The following SPSB1 variants were observed in gnomAD, a reference collection of about 807,000 sequenced individuals.
SPSB1 encodes SPRY domain-containing SOCS box protein 1.
SPSB1 carries 8 observed loss-of-function variants against 21.2 expected under a neutral mutation model. The observed-to-expected ratio is 0.38, with a 90% CI of 0.22 to 0.68. The LOEUF (loss-of-function observed/expected upper bound fraction) is 0.68, where lower values mean the gene tolerates loss of function less well. SPSB1 is among the 30% of genes least tolerant of loss of function. The pLI is 0.53. For missense variants in SPSB1, 242 were observed against 377.8 expected (o/e 0.64, Z 2.98); for synonymous variants, 169 against 161.7 (o/e 1.05, Z -0.34).
chr1:9,361,172 T>TTTTTG, intron 2 of SPSB1, among the ~76,000 whole-genome samples: 1 of 143,718 alleles, frequency 7.0e-6, no homozygotes, highest in African/African-American at 2.6e-5. Context: ...TTTTTTTTTT[T>TTTTTG]TTTTTTTTTT....
chr1:9,333,796 C>G (rs761424178), intron 1 of SPSB1, among the ~76,000 whole-genome samples: 1 of 152,206 alleles, frequency 6.6e-6, no homozygotes, highest in Non-Finnish European at 1.5e-5. Context: ...CGGGCCAAAT[C>G]AATAGCAACA....
At chr1:9,320,062 A>T (rs979437392) in intron 1 of SPSB1, among the ~76,000 whole-genome samples, 11 of 152,268 alleles carry the variant, frequency 7.2e-5, no homozygotes, top group Admixed American at 6.5e-4. Context: ...CTGTGTGTGC[A>T]GCTAGACTCA....
chr1:9,361,167 T>TTTTTTTTTTTC (rs1640470477), intron 2 of SPSB1, among the ~76,000 whole-genome samples: 5 of 141,582 alleles, frequency 3.5e-5, no homozygotes, highest in South Asian at 2.4e-4. Flanking sequence ...TTTTTTTTTT[T>TTTTTTTTTTTC]TTTTTTTTTT....
Position 9,348,102 on chromosome 1 carries a change from G to A in SPSB1, c.-149-7641G>A, listed in dbSNP as rs1640193444. 6.6e-6 allele frequency among the ~76,000 whole-genome samples: 1 copy of A among 151,838 alleles called. No individual in the cohort carries two copies. Among genetic ancestry groups the A allele is most frequent in the African/African-American group, 2.4e-5 (1 of 41,302 alleles). On this transcript the variant is annotated intron_variant, in intron 1 of 2. Coordinates refer to ENST00000328089, the MANE Select transcript of SPSB1 (RefSeq NM_025106.4). This position sits in a 1 kb window ranked among gnomAD's most constrained non-coding sequence, Gnocchi z 4.8. ...TGGGATTACAGGTGCTCACCACCAC[G>A]CCCAGCTTATTTTTGTATTTTTAGT...
chr1:9,357,253 G>C (rs149128271), intron 2 of SPSB1, among the ~76,000 whole-genome samples: 102 of 146,794 alleles, frequency 6.9e-4, no homozygotes, highest in African/African-American at 2.3e-3. Flanking sequence ...AAATGAACAG[G>C]TGGATGAGTG....
chr1:9,335,730 CCCAGA>C (rs1639993861), intron 1 of SPSB1, among the ~76,000 whole-genome samples: 1 of 152,100 alleles, frequency 6.6e-6, no homozygotes, highest in Admixed American at 6.5e-5. Context: ...AGCACTTGAG[CCCAGA>C]AGGTTGAGCC....
intron 2 of SPSB1, among the ~76,000 whole-genome samples, chr1:9,359,102 A>G (rs573181141): frequency 1.3e-5 from 2 of 152,362 alleles, no homozygotes; most frequent in East Asian, 3.9e-4. Context: ...TCAGAGCATC[A>G]CAGCCGGGCG....
chr1:9,296,745 A>C (rs751044624), intron 1 of SPSB1, among the ~76,000 whole-genome samples: 2 of 152,246 alleles, frequency 1.3e-5, no homozygotes, highest in Non-Finnish European at 1.5e-5. Flanking sequence ...CTGTTACTCT[A>C]TGCGGGGCAA....
intron 1 of SPSB1, among the ~76,000 whole-genome samples, chr1:9,351,045 C>G (rs1640247366): frequency 6.6e-6 from 1 of 152,212 alleles, no homozygotes; most frequent in African/African-American, 2.4e-5. Flanking sequence ...AGCGCCATGT[C>G]CAGGAATTGT....
At chr1:9,318,797 A>T (rs1328890490) in intron 1 of SPSB1, among the ~76,000 whole-genome samples, 2 of 152,094 alleles carry the variant, frequency 1.3e-5, no homozygotes, top group African/African-American at 2.4e-5. Flanking sequence ...GTCTCCAAGG[A>T]CTCACTGCAT....
rs1395993945 is a variant in SPSB1 at position 9,293,348 on chromosome 1, C to T, written c.-150+277C>T. Among the ~76,000 whole-genome samples the T allele has an allele frequency of 1.4e-5, 2 of 147,724 alleles. No individual in the cohort carries two copies. The highest frequency in any genetic ancestry group is 2.5e-5 in the African/African-American group (1 of 39,942). ...GCCGCCGCTGCAGGGCAGGGGGTCC[C>T]GGGGCGAGGCGCGGCGGGGGTCTCG... is the stretch of plus-strand genomic sequence containing the variant. On this transcript the variant is annotated intron_variant, in intron 1 of 2. Transcript: ENST00000328089. This position sits in a 1 kb window ranked among gnomAD's most constrained non-coding sequence, Gnocchi z 5.1.
At chr1:9,352,402 C>G (rs927232673) in intron 1 of SPSB1, among the ~76,000 whole-genome samples, 1 of 152,198 alleles carries the variant, frequency 6.6e-6, no homozygotes, top group African/African-American at 2.4e-5. Flanking sequence ...CCTGTCTAAG[C>G]TCTGGCTGGC....
At chr1:9,357,741 G>A (rs1033984634) in intron 2 of SPSB1, among the ~76,000 whole-genome samples, 3 of 152,220 alleles carry the variant, frequency 2.0e-5, no homozygotes, top group Non-Finnish European at 2.9e-5. Context: ...CCCATGTGTA[G>A]GGGCACCGTG....
rs555980099 is a variant in SPSB1 at position 9,348,237 on chromosome 1, G to A, written c.-149-7506G>A. ...TGGGATTACAGGCGTGAGCCACCGC[G>A]GCAACTTTTTTTAACCCTGGGCATC... On this transcript the variant is annotated intron_variant, in intron 1 of 2. Transcript: ENST00000328089. This position sits in a 1 kb window ranked among gnomAD's most constrained non-coding sequence, Gnocchi z 4.8. Among the ~76,000 whole-genome samples, 16 of 151,922 alleles carry A rather than the reference G, an allele frequency of 1.1e-4. No individual in the cohort carries two copies. The highest frequency in any genetic ancestry group is 2.1e-4 in the South Asian group (1 of 4,780).
intron 1 of SPSB1, chr1:9,351,676 A>G (rs1468250029): frequency 2.6e-5 from 4 of 152,252 alleles, no homozygotes; most frequent in African/African-American, 7.2e-5. Flanking sequence ...TTTAAAATAG[A>G]AGGAAGAGGA....
intron 1 of SPSB1, among the ~76,000 whole-genome samples, chr1:9,306,468 G>A (rs544995758): frequency 2.6e-5 from 4 of 152,150 alleles, no homozygotes; most frequent in Non-Finnish European, 4.4e-5. Flanking sequence ...AGCCATCAAC[G>A]ATGTGGCATA....
intron 1 of SPSB1, among the ~76,000 whole-genome samples, chr1:9,308,621 A>C (rs1639460961): frequency 6.6e-6 from 1 of 152,148 alleles, no homozygotes; most frequent in Non-Finnish European, 1.5e-5. Context: ...GTATTGATTG[A>C]ATGTGTGCCA....
At position 9,355,126 on chromosome 1, in the gene SPSB1, G is replaced by A. The variant is rs191021558; in HGVS notation, c.-149-617G>A. Reference sequence around the variant, plus strand: ...TTCCCTTGAGAAGAATGTAGCTGGCGGAGGAGGCTCCTGGTGCCTTTCGTG... The same window carrying A: ...TTCCCTTGAGAAGAATGTAGCTGGCAGAGGAGGCTCCTGGTGCCTTTCGTG... On this transcript the variant is annotated intron_variant, in intron 1 of 2. Coordinates refer to ENST00000328089, the MANE Select transcript of SPSB1 (RefSeq NM_025106.4). 2.6e-3 allele frequency among the ~76,000 whole-genome samples: 399 copies of A among 152,340 alleles called. 1 individual carries two copies. The highest frequency in any genetic ancestry group is 4.8e-3 in the Non-Finnish European group (325 of 68,028).
intron 1 of SPSB1, among the ~76,000 whole-genome samples, chr1:9,318,241 G>A (rs144529510): frequency 3.0e-4 from 46 of 152,352 alleles, no homozygotes; most frequent in African/African-American, 9.6e-4. Context: ...GAATGCAGCC[G>A]GCAGCAGAAC....
Sources: allele counts gnomAD v4.1 joint callset (sites outside exome capture counted in the v4.1 genomes callset), GRCh38; gene constraint gnomAD v4.1.1; non-coding constraint Gnocchi (gnomAD v3.1); transcripts MANE v1.5; gene names NCBI Gene and HGNC (gene_info 2026-07-23, HGNC 2026-07-21).